The following LSM3 variants were observed in gnomAD, a reference collection of about 807,000 sequenced individuals.
LSM3 encodes the protein LSM3 homolog, U6 small nuclear RNA and mRNA degradation associated.
A neutral mutation model predicts 15.4 loss-of-function variants in LSM3; 14 were observed. The ratio of observed to expected loss-of-function variants is 0.91; its 90% CI spans 0.60 to 1.42. The LOEUF (loss-of-function observed/expected upper bound fraction) is 1.42. Ranked by LOEUF, LSM3 falls within the 40% of genes most tolerant of loss-of-function variation. The probability of loss-of-function intolerance (pLI) is 0.00; values close to 1 mark genes in which losing one functional copy is unlikely to be tolerated. For synonymous variants in LSM3, 46 were observed against 45.1 expected, an observed-to-expected ratio of 1.02 and a Z score of -0.08; for missense variants, 88 against 127.9, an observed-to-expected ratio of 0.69 and a Z score of 1.50.
At chr3:14,183,812 G>A (rs553200071) in intron 2 of LSM3, 125 bp from the exon 3 acceptor site, 4 of 589,372 alleles carry the variant, frequency 6.8e-6, no homozygotes, top group Admixed American at 3.7e-5. Flanking sequence ...TTATTTGCAT[G>A]TAAAAGTTTG....
intron 3 of LSM3, among the ~76,000 whole-genome samples, chr3:14,189,608 A>G (rs1254101206): frequency 6.6e-6 from 1 of 152,000 alleles, no homozygotes; most frequent in African/African-American, 2.4e-5. Flanking sequence ...TTCTTTTGAG[A>G]AGTGTCTCTT....
At chr3:14,197,385 ATAT>A (rs1191381538) in intron 3 of LSM3, among the ~76,000 whole-genome samples, 2 of 152,238 alleles carry the variant, frequency 1.3e-5, no homozygotes, top group Admixed American at 6.5e-5. Context: ...CCAAGGCATA[ATAT>A]TAGGATTTCG....
intron 3 of LSM3, among the ~76,000 whole-genome samples, chr3:14,185,350 TCAAAACAAAA>T (rs920056075): frequency 8.7e-5 from 13 of 149,028 alleles, no homozygotes; most frequent in Non-Finnish European, 1.2e-4. Context: ...AGACTCTGTC[TCAAAACAAAA>T]CAAAACAAAA....
At chr3:14,183,497 AC>A (rs1186729044) in intron 2 of LSM3, among the ~76,000 whole-genome samples, 1 of 152,238 alleles carries the variant, frequency 6.6e-6, no homozygotes, top group Non-Finnish European at 1.5e-5. Flanking sequence ...GCATTATCTT[AC>A]CAGTAAACAA....
At chr3:14,180,821 C>CTTTTTTTTTT (rs1164090236) in intron 1 of LSM3, among the ~76,000 whole-genome samples, 1 of 46,748 alleles carries the variant, frequency 2.1e-5, no homozygotes, top group African/African-American at 7.9e-5. Context: ...GCTTGCTTGC[C>CTTTTTTTTTT]TTTTTTTTTT....
intron 3 of LSM3, among the ~76,000 whole-genome samples, chr3:14,184,325 A>C (rs1697066828): frequency 6.6e-6 from 1 of 152,258 alleles, no homozygotes; most frequent in African/African-American, 2.4e-5. Flanking sequence ...GTGAGATACA[A>C]CAATGCAAGG....
intron 3 of LSM3, among the ~76,000 whole-genome samples, chr3:14,184,990 G>T (rs974616407): frequency 6.6e-6 from 1 of 152,026 alleles, no homozygotes; most frequent in African/African-American, 2.4e-5. Flanking sequence ...CTTGGAGGCG[G>T]AGGTTGCAGT....
chr3:14,198,525 G>C lies in LSM3; in HGVS notation c.*409G>C, dbSNP rs896396294. On this transcript the variant is annotated 3_prime_UTR_variant, in exon 4 of 4. Coordinates refer to ENST00000306024, the MANE Select transcript of LSM3 (RefSeq NM_014463.3). Reference sequence around the variant, plus strand: ...CATTTGCAGTGCACCTACTGTGTTTGAGGCACCAGGTTTGAGTGCTGGGAA... The same window carrying C: ...CATTTGCAGTGCACCTACTGTGTTTCAGGCACCAGGTTTGAGTGCTGGGAA... 1.8e-5 allele frequency: 3 copies of C among 167,194 alleles called. No individual in the cohort carries two copies. Among genetic ancestry groups the C allele is most frequent in the African/African-American group, 7.2e-5 (3 of 41,644 alleles). 10.4% of individuals were successfully genotyped at this position (167,194 alleles called of 1,614,324 possible). A position where few individuals can be genotyped will look rare whatever the true frequency, so the allele number is the denominator to read the frequency against.
At chr3:14,197,486 A>C (rs1697197002) in intron 3 of LSM3, among the ~76,000 whole-genome samples, 1 of 152,230 alleles carries the variant, frequency 6.6e-6, no homozygotes, top group African/African-American at 2.4e-5. Flanking sequence ...CCACAGTAGC[A>C]CCCAGAAGTA....
chr3:14,194,427 T>A (rs1366977383), intron 3 of LSM3, among the ~76,000 whole-genome samples: 2 of 152,228 alleles, frequency 1.3e-5, no homozygotes, highest in Non-Finnish European at 2.9e-5. Context: ...TTTTCTTATG[T>A]GGGAGTATAC....
chr3:14,180,630 G>T (rs141351060), intron 1 of LSM3, among the ~76,000 whole-genome samples: 201 of 151,772 alleles, frequency 1.3e-3, no homozygotes, highest in South Asian at 1.7e-3. Flanking sequence ...TGTTTTCCTG[G>T]CACTGTTTTT....
At chr3:14,184,754 C>T (rs1697071706) in intron 3 of LSM3, among the ~76,000 whole-genome samples, 1 of 134,306 alleles carries the variant, frequency 7.4e-6, no homozygotes, top group Non-Finnish European at 1.6e-5. Flanking sequence ...GAGACTCCGT[C>T]TCAAAAAAAA....
In LSM3 at chr3:14,198,032, C is replaced by G. The variant is rs757213279; in HGVS notation, c.229-4C>G. The G allele has an allele frequency of 1.3e-5, 21 of 1,607,172 alleles. No homozygotes were observed. The South Asian group carries it at 2.0e-4, about 15-fold the overall frequency. Reference sequence around the variant, plus strand: ...AATATGTTCTGTTTTTTTTTCTCTTCTAGTCAACGAAACGGAATATTCCAA... The same window carrying G: ...AATATGTTCTGTTTTTTTTTCTCTTGTAGTCAACGAAACGGAATATTCCAA... On this transcript the variant is annotated splice_polypyrimidine_tract_variant and splice_region_variant and intron_variant, in intron 3 of 3. Coordinates refer to ENST00000306024, the MANE Select transcript of LSM3 (RefSeq NM_014463.3).
intron 3 of LSM3, among the ~76,000 whole-genome samples, chr3:14,188,796 A>G (rs978017702): frequency 1.3e-5 from 2 of 151,974 alleles, no homozygotes; most frequent in South Asian, 4.1e-4. Context: ...GCTGTAAATA[A>G]TTTTATCTTT....
At chr3:14,180,820 CCTTTTTTTTTTTTTTTTTTTTT>C (rs1272471087) in intron 1 of LSM3, among the ~76,000 whole-genome samples, 2 of 51,398 alleles carry the variant, frequency 3.9e-5, no homozygotes, top group Admixed American at 2.8e-4. Flanking sequence ...TGCTTGCTTG[CCTTTTTTTTTTTTTTTTTTTTT>C]TTTTTTTTTT....
At chr3:14,193,825 C>T (rs1013004905) in intron 3 of LSM3, among the ~76,000 whole-genome samples, 4 of 152,100 alleles carry the variant, frequency 2.6e-5, no homozygotes, top group East Asian at 1.9e-4. Context: ...CCCTTGCTGG[C>T]GAGGAGTTGT....
chr3:14,183,425 T>TAACA (rs1697058429), intron 2 of LSM3, among the ~76,000 whole-genome samples: 1 of 152,240 alleles, frequency 6.6e-6, no homozygotes, highest in Non-Finnish European at 1.5e-5. Context: ...GGCAGGGTGT[T>TAACA]GCTCTACTTA....
chr3:14,181,433 A>C (rs902468497), intron 1 of LSM3, 127 bp from the exon 2 acceptor site: 2 of 673,974 alleles, frequency 3.0e-6, no homozygotes, highest in Non-Finnish European at 5.4e-6. Context: ...TATTATCTCC[A>C]TTTTACAGAT....
intron 3 of LSM3, among the ~76,000 whole-genome samples, chr3:14,189,722 G>A (rs911622326): frequency 2.0e-5 from 3 of 152,050 alleles, no homozygotes; most frequent in Non-Finnish European, 2.9e-5. Context: ...TGGATGGATT[G>A]TAAAAATTTT....
Sources: allele counts gnomAD v4.1 joint callset (sites outside exome capture counted in the v4.1 genomes callset), GRCh38; gene constraint gnomAD v4.1.1; transcripts MANE v1.5; gene names NCBI Gene and HGNC (gene_info 2026-07-23, HGNC 2026-07-21).